The following SPINK2 variants were observed in gnomAD, a reference collection of about 807,000 sequenced individuals.
The protein encoded by SPINK2 is serine protease inhibitor Kazal-type 2.
Under a neutral mutation model 13.5 loss-of-function variants are expected in SPINK2, and 8 were observed. The ratio of observed to expected loss-of-function variants is 0.59; its 90% CI spans 0.35 to 1.07. SPINK2 has a LOEUF of 1.07. Ranked by LOEUF, SPINK2 falls within the 50% of genes least tolerant of loss-of-function variation. The pLI is 0.02. For missense variants in SPINK2, 148 were observed against 180.3 expected (o/e 0.82, Z 1.03); for synonymous variants, 76 against 74.7 (o/e 1.02, Z -0.09).
intron 2 of SPINK2, among the ~76,000 whole-genome samples, chr4:56,815,120 C>T (rs552315052): frequency 1.3e-5 from 2 of 151,908 alleles, no homozygotes; most frequent in African/African-American, 4.8e-5. Context: ...AAAAACACAG[C>T]ACTCAACGAA....
At position 56,816,647 on chromosome 4, in the gene SPINK2, A is replaced by G. The variant is rs1366010290; in HGVS notation, c.249+3889T>C. On this transcript the variant is annotated intron_variant, in intron 2 of 3. Coordinates refer to ENST00000506738, the MANE Select transcript of SPINK2 (RefSeq NM_001271718.2). ...AGCCTGGGTGACAGAGTAAGACTCC[A>G]TCTCAAAATAAATAAATAAAATATA... 2.9e-4 allele frequency: 43 copies of G among 150,742 alleles called. No homozygotes were observed. The Admixed American group carries it at 2.9e-3, about 10-fold the overall frequency. 9.3% of individuals were successfully genotyped at this position (150,742 alleles called of 1,614,324 possible).
intron 2 of SPINK2, 31 bp from the exon 3 acceptor site, chr4:56,811,825 T>G: frequency 2.2e-6 from 3 of 1,381,000 alleles, no homozygotes; most frequent in African/African-American, 1.4e-5. Flanking sequence ...AATTCGAGAA[T>G]GACTTGAGAC....
chr4:56,818,585 C>T (rs892808759), intron 2 of SPINK2, among the ~76,000 whole-genome samples: 10 of 151,922 alleles, frequency 6.6e-5, no homozygotes, highest in African/African-American at 1.7e-4. Flanking sequence ...CACTTGAACC[C>T]GGGAGGCCTC....
chr4:56,811,733 C>T lies in SPINK2; in HGVS notation c.311G>A (p.Ser104Asn). The T allele has an allele frequency of 1.2e-6, 2 of 1,611,312 alleles. No homozygotes were observed. Among genetic ancestry groups the T allele is most frequent in the Non-Finnish European group, 1.7e-6 (2 of 1,178,246 alleles). ...CPRHFNPVCG[S>N]DMSTYANECT... ...TTCATTGGCATAAGTGGACATGTCA[C>T]TGCCACACACAGGGTTAAAGTGTCT... Residue 104 changes from serine (S) to asparagine (N), a missense_variant, in exon 3 of 4, where the codon AGT becomes AAT. Transcript: ENST00000506738.
At chr4:56,821,836 G>A (rs370989158), upstream of SPINK2, 509 of 668,262 alleles carry the variant, frequency 7.6e-4, 8 homozygotes, top group South Asian at 0.01. Flanking sequence ...GCGGCGGGAA[G>A]AGGAGCCGTG....
chr4:56,815,185 A>C (rs1717335125), intron 2 of SPINK2, among the ~76,000 whole-genome samples: 1 of 152,080 alleles, frequency 6.6e-6, no homozygotes, highest in African/African-American at 2.4e-5. Context: ...TAGAAAAAAC[A>C]AAAACAAAAA....
intron 1 of SPINK2, among the ~76,000 whole-genome samples, chr4:56,820,858 C>G (rs1717881335): frequency 6.6e-6 from 1 of 152,200 alleles, no homozygotes; most frequent in Non-Finnish European, 1.5e-5. Context: ...TTTAAACTGT[C>G]CCCATCCCAC....
chr4:56,816,016 T>C lies in SPINK2; in HGVS notation c.250-4222A>G, dbSNP rs371068849. 3.9e-5 allele frequency among the ~76,000 whole-genome samples: 6 copies of C among 152,130 alleles called. No individual in the cohort carries two copies. The East Asian group carries it at 7.8e-4, about 20-fold the overall frequency. ...TTCTCAGGAGGATGAGGCAGAAGGATCACTGGAGCCCAGGAGTTCAAGGTT... is the reference window on the plus strand; with the variant it reads ...TTCTCAGGAGGATGAGGCAGAAGGACCACTGGAGCCCAGGAGTTCAAGGTT... On this transcript the variant is annotated intron_variant, in intron 2 of 3. Transcript: ENST00000506738.
intron 2 of SPINK2, among the ~76,000 whole-genome samples, chr4:56,815,064 G>T (rs532549456): frequency 3.5e-4 from 53 of 151,790 alleles, no homozygotes; most frequent in African/African-American, 1.3e-3. Context: ...CAGCCTAGGG[G>T]ACAAGGGTGA....
chr4:56,821,327 T>C, intron 1 of SPINK2, 131 bp downstream of exon 1: 1 of 1,392,976 alleles, frequency 7.2e-7, no homozygotes, highest in Non-Finnish European at 9.3e-7. Flanking sequence ...CACCTGAAAA[T>C]CTACTTTAAC....
intron 3 of SPINK2, among the ~76,000 whole-genome samples, chr4:56,811,100 C>T (rs1417151337): frequency 6.6e-6 from 1 of 152,166 alleles, no homozygotes; most frequent in Non-Finnish European, 1.5e-5. Flanking sequence ...ATTAAATAGA[C>T]TCTTAATTTT....
At chr4:56,813,580 T>A (rs939639471) in intron 2 of SPINK2, among the ~76,000 whole-genome samples, 1 of 151,132 alleles carries the variant, frequency 6.6e-6, no homozygotes, top group Non-Finnish European at 1.5e-5. Context: ...TATTGTGACA[T>A]GGGCATGTGA....
rs1198883790 is a variant in SPINK2 at position 56,821,395 on chromosome 4, A to T, written c.205+63T>A. 2.1e-6 allele frequency: 3 copies of T among 1,444,390 alleles called. No homozygotes were observed. The African/African-American group carries it at 4.4e-5, about 21-fold the overall frequency. 89.5% of individuals were successfully genotyped at this position (1,444,390 alleles called of 1,614,324 possible). A position where few individuals can be genotyped will look rare whatever the true frequency, so the allele number is the denominator to read the frequency against. On this transcript the variant is annotated intron_variant, in intron 1 of 3. Coordinates refer to ENST00000506738, the MANE Select transcript of SPINK2 (RefSeq NM_001271718.2). ...GAGCTGGGAGCGAAGCCCAAGCAAGAACTAAAGAGGGTGGCTGACTCCACA... is the reference window on the plus strand; with the variant it reads ...GAGCTGGGAGCGAAGCCCAAGCAAGTACTAAAGAGGGTGGCTGACTCCACA...
intron 2 of SPINK2, among the ~76,000 whole-genome samples, chr4:56,813,472 TAGG>T (rs1717164875): frequency 6.6e-6 from 1 of 152,078 alleles, no homozygotes; most frequent in African/African-American, 2.4e-5. Context: ...GGCCTCCTGT[TAGG>T]AGGAGGGAAG....
chr4:56,813,556 A>T (rs116154889), intron 2 of SPINK2, among the ~76,000 whole-genome samples: 2 of 151,714 alleles, frequency 1.3e-5, no homozygotes, highest in African/African-American at 4.8e-5. Flanking sequence ...AGATTCTCAT[A>T]GGAGCACGAA....
chr4:56,814,027 G>A (rs1250762927), intron 2 of SPINK2, among the ~76,000 whole-genome samples: 1 of 149,480 alleles, frequency 6.7e-6, no homozygotes, highest in Non-Finnish European at 1.5e-5. Flanking sequence ...AAGTTCAGGC[G>A]ATTCTCCTGC....
Position 56,821,355 on chromosome 4 carries a change from T to A in SPINK2, c.205+103A>T, listed in dbSNP as rs144449360. The A allele has an allele frequency of 1.4e-4, 191 of 1,404,072 alleles. No homozygotes were observed. In the Admixed American group the frequency reaches 4.0e-3, roughly 29 times the overall value. 87.0% of individuals were successfully genotyped at this position (1,404,072 alleles called of 1,614,324 possible). On this transcript the variant is annotated intron_variant, in intron 1 of 3. Coordinates refer to ENST00000506738, the MANE Select transcript of SPINK2 (RefSeq NM_001271718.2). ...ACTTTAACAGAGAAAGCGCTCTAGA[T>A]GGCAGGTGTCCTTAGAGCTGGGAGC...
intron 2 of SPINK2, among the ~76,000 whole-genome samples, chr4:56,814,350 A>G (rs1233784310): frequency 6.6e-6 from 1 of 151,918 alleles, no homozygotes; most frequent in Admixed American, 6.6e-5. Context: ...AAGGCTGGGG[A>G]CCGCTGCTCT....
At chr4:56,815,955 T>C (rs1248602548) in intron 2 of SPINK2, among the ~76,000 whole-genome samples, 2 of 151,774 alleles carry the variant, frequency 1.3e-5, no homozygotes, top group Admixed American at 1.3e-4. Flanking sequence ...AATTAAAAAT[T>C]AGCCATGTGT....
Sources: gnomAD v4.1 joint callset for allele counts (sites outside exome capture counted in the v4.1 genomes callset) on GRCh38, gnomAD v4.1.1 for gene constraint, MANE v1.5 for transcripts, NCBI Gene and HGNC (gene_info 2026-07-23, HGNC 2026-07-21) for gene names.